SYNE2: variants seen among roughly 807,000 people sequenced by gnomAD.
SYNE2 encodes nesprin-2.
Under a neutral mutation model 856.3 loss-of-function variants are expected in SYNE2, and 431 were observed. The observed-to-expected ratio is 0.50, with a 90% CI of 0.47 to 0.55. The LOEUF (loss-of-function observed/expected upper bound fraction) is 0.55. Ranked by LOEUF, SYNE2 falls within the 20% of genes least tolerant of loss-of-function variation. SYNE2 has a pLI of 0.00. For missense variants in SYNE2, 8,129 were observed against 8,023.2 expected, an observed-to-expected ratio of 1.01 and a Z score of -0.50; for synonymous variants, 2,923 against 2,872.3, an observed-to-expected ratio of 1.02 and a Z score of -0.56.
At chr14:63,786,227 G>A (rs1008952830) in intron 1 of SYNE2, among the ~76,000 whole-genome samples, 13 of 147,282 alleles carry the variant, frequency 8.8e-5, no homozygotes, top group African/African-American at 3.3e-4. Flanking sequence ...TCCAGTCTGG[G>A]CAACACAGCA....
chr14:64,217,066 A>G (rs190506861), intron 108 of SYNE2, among the ~76,000 whole-genome samples: 35 of 152,264 alleles, frequency 2.3e-4, no homozygotes, highest in African/African-American at 8.2e-4. Context: ...CATACATCCT[A>G]TTCCAAAAAA....
At chr14:63,929,196 G>A (rs2153394563) in intron 2 of SYNE2, among the ~76,000 whole-genome samples, 1 of 152,112 alleles carries the variant, frequency 6.6e-6, no homozygotes, top group African/African-American at 2.4e-5. Context: ...TAGAAATTTG[G>A]AACTCTTCCC....
At position 64,107,433 on chromosome 14, in the gene SYNE2, G is replaced by T. The variant is rs1297106277; in HGVS notation, c.12493-58G>T. ...GTAAAATGAGCATGCGCAGAAAGAA[G>T]AATTCATGTGGCACCAGGGCAGGAC... On this transcript the variant is annotated intron_variant, in intron 64 of 115. Transcript: ENST00000555002. The T allele has an allele frequency of 2.8e-5, 40 of 1,442,108 alleles. No individual in the cohort carries two copies. In the South Asian group the frequency reaches 3.4e-4, roughly 12 times the overall value. 89.3% of individuals were successfully genotyped at this position (1,442,108 alleles called of 1,614,324 possible).
At chr14:64,062,524 G>A (rs2097325329) in intron 49 of SYNE2, among the ~76,000 whole-genome samples, 1 of 152,084 alleles carries the variant, frequency 6.6e-6, no homozygotes, top group South Asian at 2.1e-4. Context: ...CTTCATTTTA[G>A]AGGACGGCCC....
chr14:63,967,508 C>T (rs2096410569), intron 10 of SYNE2, among the ~76,000 whole-genome samples: 1 of 152,138 alleles, frequency 6.6e-6, no homozygotes, highest in Non-Finnish European at 1.5e-5. Flanking sequence ...AGAGTGAGAC[C>T]TATGACATTA....
rs1194523978 is a variant in SYNE2 at position 64,100,529 on chromosome 14, AAAATATATAT to A, written c.12382-1401_12382-1392del. 6.1e-4 allele frequency among the ~76,000 whole-genome samples: 35 copies of A among 57,634 alleles called. No individual in the cohort carries two copies. The South Asian group carries it at 0.02, about 33-fold the overall frequency. 37.8% of individuals were successfully genotyped at this position (57,634 alleles called of 152,430 possible). ...AAAACTGTCTCAAAAAAAAAAAAAAAAAATATATATATATATATATATATATATATATATA... is the reference window on the plus strand; with the variant it reads ...AAAACTGTCTCAAAAAAAAAAAAAAAATATATATATATATATATATATATA... On this transcript the variant is annotated intron_variant, in intron 63 of 115. Coordinates refer to ENST00000555002, the MANE Select transcript of SYNE2 (RefSeq NM_182914.3).
intron 15 of SYNE2, 73 bp downstream of exon 15, chr14:63,980,805 A>G (rs2096580099): frequency 2.4e-6 from 3 of 1,232,286 alleles, no homozygotes; most frequent in South Asian, 2.6e-5. Context: ...TGTGCTTTCT[A>G]TATAATGTTT....
At position 64,048,021 on chromosome 14, in the gene SYNE2, A is replaced by G. The variant is rs1423203229; in HGVS notation, c.7243A>G (p.Met2415Val). 1.5e-5 allele frequency: 25 copies of G among 1,613,756 alleles called. No homozygotes were observed. The highest frequency in any genetic ancestry group is 1.9e-5 in the Non-Finnish European group (23 of 1,179,878). Reference protein sequence around the residue: ...INKDSAVEMAMSKQLSLNAQE... With the variant: ...INKDSAVEMAVSKQLSLNAQE... Reference sequence around the variant, plus strand: ...TCAGGATTCAGCTGTGGAAATGGCTATGTCAAAACAACTTTCTCTTAATGC... The same window carrying G: ...TCAGGATTCAGCTGTGGAAATGGCTGTGTCAAAACAACTTTCTCTTAATGC... The change falls in exon 46 of 116, where the codon ATG (methionine) becomes GTG (valine). Residue 2415 changes from methionine (M) to valine (V), a missense_variant. Physicochemically the swap from Met to Val is conservative, Grantham distance 21. Coordinates refer to ENST00000555002, the MANE Select transcript of SYNE2 (RefSeq NM_182914.3).
chr14:64,108,266 C>T (rs941277294), intron 65 of SYNE2, among the ~76,000 whole-genome samples: 3 of 152,146 alleles, frequency 2.0e-5, no homozygotes, highest in African/African-American at 7.2e-5. Context: ...ACAGGAGAAT[C>T]GCTTGAACCT....
At chr14:64,000,361 G>A (rs1395720070) in intron 27 of SYNE2, among the ~76,000 whole-genome samples, 1 of 152,122 alleles carries the variant, frequency 6.6e-6, no homozygotes, top group African/African-American at 2.4e-5. Flanking sequence ...TTACTGAATG[G>A]GTCCTCTGAG....
intron 49 of SYNE2, among the ~76,000 whole-genome samples, chr14:64,061,292 C>T (rs934679419): frequency 6.6e-6 from 1 of 152,162 alleles, no homozygotes; most frequent in Non-Finnish European, 1.5e-5. Context: ...AATTTATTTA[C>T]TTAGCTATTG....
At chr14:64,083,484 A>G (rs1016656548) in intron 57 of SYNE2, among the ~76,000 whole-genome samples, 1 of 152,080 alleles carries the variant, frequency 6.6e-6, no homozygotes, top group African/African-American at 2.4e-5. Context: ...ACATGTAAAA[A>G]TGTAAAAGCA....
Position 63,976,568 on chromosome 14 carries a change from T to G in SYNE2, c.1134T>G (p.Asn378Lys), listed in dbSNP as rs1447007908. ...EAWDGLDHQI[N>K]AWKIKLNYAL... ...TTTTTTTTTTTTTTTTTCAGATTAA[T>G]GCATGGAAAATAAAGCTAAATTATG... The change falls in exon 12 of 116, where the codon AAT (asparagine) becomes AAG (lysine). Residue 378 changes from asparagine to lysine, a missense_variant. Around this residue, in one of 3 missense-constraint regions of SYNE2, gnomAD observed 2,422 missense variants for 2,357.4 expected, o/e 1.03. Coordinates refer to ENST00000555002, the MANE Select transcript of SYNE2 (RefSeq NM_182914.3). 1.3e-6 allele frequency: 2 copies of G among 1,582,072 alleles called. No individual in the cohort carries two copies. Among genetic ancestry groups the G allele is most frequent in the Non-Finnish European group, 1.7e-6 (2 of 1,159,950 alleles).
At chr14:64,164,091 T>C (rs201802463) in intron 89 of SYNE2, among the ~76,000 whole-genome samples, 7 of 90,568 alleles carry the variant, frequency 7.7e-5, no homozygotes, top group African/African-American at 3.3e-4. Context: ...GGCTTGCTTA[T>C]TTATTTATTT....
chr14:63,891,982 T>C (rs1358289648), intron 1 of SYNE2, among the ~76,000 whole-genome samples: 1 of 152,218 alleles, frequency 6.6e-6, no homozygotes, highest in Non-Finnish European at 1.5e-5. Flanking sequence ...CAAATATTTT[T>C]CTCAAGAAAT....
At chr14:64,126,567 C>G (rs747987855) in intron 72 of SYNE2, 31 bp from the exon 73 acceptor site, 2 of 1,614,170 alleles carry the variant, frequency 1.2e-6, no homozygotes, top group Admixed American at 1.7e-5. Context: ...GGTCAGAGCT[C>G]ATTCATTGTC....
intron 45 of SYNE2, among the ~76,000 whole-genome samples, chr14:64,039,625 G>C (rs148043635): frequency 1.1e-3 from 174 of 152,278 alleles, no homozygotes; most frequent in African/African-American, 3.8e-3. Flanking sequence ...TGATAGAATG[G>C]TCATTTTCCA....
intron 64 of SYNE2, 72 bp downstream of exon 64, chr14:64,102,114 C>A: frequency 2.7e-6 from 3 of 1,095,390 alleles, no homozygotes; most frequent in Non-Finnish European, 4.2e-6. Flanking sequence ...TCTTTCTGCA[C>A]GACTTTCTTT....
intron 1 of SYNE2, among the ~76,000 whole-genome samples, chr14:63,907,703 G>T (rs991175096): frequency 6.6e-6 from 1 of 152,070 alleles, no homozygotes; most frequent in African/African-American, 2.4e-5. Flanking sequence ...GGGTTCAGGA[G>T]CCCCAGAGTA....
Sources: allele counts gnomAD v4.1 joint callset (sites outside exome capture counted in the v4.1 genomes callset), GRCh38; gene constraint gnomAD v4.1.1; regional missense constraint gnomAD v4.1.1; transcripts MANE v1.5; gene names NCBI Gene and HGNC (gene_info 2026-07-23, HGNC 2026-07-21).